Variants in ADCY5 observed in about 807,000 individuals in gnomAD.
ADCY5 encodes the protein adenylate cyclase 5.
In ADCY5, 30 loss-of-function variants were observed where a neutral mutation model predicts 119.7. The observed-to-expected ratio is 0.25, with a 90% CI of 0.19 to 0.34. The LOEUF (loss-of-function observed/expected upper bound fraction) is 0.34. Ranked by LOEUF, ADCY5 falls within the 10% of genes least tolerant of loss-of-function variation. ADCY5 has a pLI of 1.00. For synonymous variants in ADCY5, 753 were observed against 762.2 expected, an observed-to-expected ratio of 0.99 and a Z score of 0.20; for missense variants, 1,324 against 1,775.2, an observed-to-expected ratio of 0.75 and a Z score of 4.57.
intron 12 of ADCY5, among the ~76,000 whole-genome samples, chr3:123,307,539 T>C (rs952634238): frequency 2.0e-5 from 3 of 152,216 alleles, no homozygotes; most frequent in Admixed American, 1.3e-4. Flanking sequence ...GTTTCACAGC[T>C]GGGGAAGTGT....
chr3:123,448,381 C>A lies in ADCY5; in HGVS notation c.165G>T (p.Lys55Asn), dbSNP rs968289964. Residue 55 changes from lysine (K) to asparagine (N), a missense_variant, in exon 1 of 21, where the codon AAG becomes AAT. Transcript: ENST00000462833. Reference sequence around the variant, plus strand: ...GCGGGGTCACCGCCCCCCCGGGTTTCTTGGTGGAGCCGCGGGCAGAGCCCC... The same window carrying A: ...GCGGGGTCACCGCCCCCCCGGGTTTATTGGTGGAGCCGCGGGCAGAGCCCC... ...APGGSARGST[K>N]KPGGAVTPQQ... The A allele has an allele frequency of 2.7e-6, 4 of 1,471,848 alleles. No individual in the cohort carries two copies. The African/African-American group carries it at 5.9e-5, about 22-fold the overall frequency. 91.2% of individuals were successfully genotyped at this position (1,471,848 alleles called of 1,614,324 possible).
chr3:123,441,200 T>C (rs1424707468), intron 1 of ADCY5, among the ~76,000 whole-genome samples: 3 of 152,156 alleles, frequency 2.0e-5, no homozygotes, highest in African/African-American at 7.2e-5. Context: ...TCCAAGTTGT[T>C]TTAAATAGAG....
intron 9 of ADCY5, 146 bp from the exon 10 acceptor site, chr3:123,319,964 T>C: frequency 8.7e-7 from 1 of 1,153,746 alleles, no homozygotes; most frequent in Non-Finnish European, 1.2e-6. Context: ...GAGCTGAGAC[T>C]GAGACCAGAA....
intron 1 of ADCY5, chr3:123,404,423 C>G (rs1020333315): frequency 6.6e-6 from 1 of 152,468 alleles, no homozygotes; most frequent in Non-Finnish European, 1.5e-5. Flanking sequence ...CTCCTGGCAG[C>G]ATCTTCAGCC....
intron 1 of ADCY5, among the ~76,000 whole-genome samples, chr3:123,424,289 G>C (rs1284620253): frequency 1.3e-5 from 2 of 152,244 alleles, no homozygotes; most frequent in Non-Finnish European, 2.9e-5. Flanking sequence ...ACAGACCCAA[G>C]CCTGCTCCTT....
chr3:123,311,164 C>T (rs996143908), intron 12 of ADCY5, among the ~76,000 whole-genome samples: 1 of 152,232 alleles, frequency 6.6e-6, no homozygotes, highest in Non-Finnish European at 1.5e-5. Flanking sequence ...ACTGTCGCAT[C>T]TCATTGCAAA....
At position 123,289,676 on chromosome 3, in the gene ADCY5, G is replaced by A. The variant is rs905458049; in HGVS notation, c.3532+74C>T. ...GGACCACAATGGCGGATGCGGTATG[G>A]GGTATGGGGGAGCCCCTGCCAGCCC... is the stretch of plus-strand genomic sequence containing the variant. On this transcript the variant is annotated intron_variant, in intron 19 of 20. Coordinates refer to ENST00000462833, the MANE Select transcript of ADCY5 (RefSeq NM_183357.3). 4 of 1,537,924 alleles carry A rather than the reference G, an allele frequency of 2.6e-6. No individual in the cohort carries two copies. In the Admixed American group the frequency reaches 6.7e-5, roughly 26 times the overall value.
Position 123,360,384 on chromosome 3 carries a change from A to T in ADCY5, c.1135-7803T>A, listed in dbSNP as rs561863884. 2.4e-4 allele frequency among the ~76,000 whole-genome samples: 36 copies of T among 151,596 alleles called. No individual in the cohort carries two copies. In the South Asian group the frequency reaches 7.5e-3, roughly 32 times the overall value. Reference sequence around the variant, plus strand: ...GATTGTCACTCTCCCTTGCTCTGGAACTCCCCATCAAGAGCTTAGGATGCC... The same window carrying T: ...GATTGTCACTCTCCCTTGCTCTGGATCTCCCCATCAAGAGCTTAGGATGCC... On this transcript the variant is annotated intron_variant, in intron 1 of 20. Coordinates refer to ENST00000462833, the MANE Select transcript of ADCY5 (RefSeq NM_183357.3).
chr3:123,388,465 G>A (rs1292278656), intron 1 of ADCY5, among the ~76,000 whole-genome samples: 2 of 152,118 alleles, frequency 1.3e-5, no homozygotes, highest in African/African-American at 2.4e-5. Context: ...TGAGTGAGGG[G>A]TACACATGAT....
intron 1 of ADCY5, among the ~76,000 whole-genome samples, chr3:123,413,482 G>C (rs923319643): frequency 3.3e-5 from 5 of 152,208 alleles, no homozygotes; most frequent in African/African-American, 1.2e-4. Flanking sequence ...GGCTTGCAGA[G>C]GGCCTCCCCT....
intron 1 of ADCY5, among the ~76,000 whole-genome samples, chr3:123,411,521 C>A (rs1168158681): frequency 6.6e-6 from 1 of 152,182 alleles, no homozygotes; most frequent in African/African-American, 2.4e-5. Flanking sequence ...CCTGAGGGGA[C>A]AAAGGACAAA....
At chr3:123,372,193 G>T (rs562470549) in intron 1 of ADCY5, among the ~76,000 whole-genome samples, 8 of 152,188 alleles carry the variant, frequency 5.3e-5, no homozygotes, top group African/African-American at 1.9e-4. Context: ...CTGCTCGAGG[G>T]CCCTAAACAT....
At chr3:123,411,837 C>T (rs10934647) in intron 1 of ADCY5, among the ~76,000 whole-genome samples, 30,292 of 152,142 alleles carry the variant, frequency 0.2, 3,387 homozygotes, top group Admixed American at 0.27. Context: ...GGCTGTCCAC[C>T]GTTGACAGCA....
intron 9 of ADCY5, 109 bp downstream of exon 9, chr3:123,320,640 T>A: frequency 1.4e-6 from 2 of 1,450,964 alleles, no homozygotes; most frequent in South Asian, 2.3e-5. Context: ...CAGCTAAGAC[T>A]GCAAGAGGAG....
chr3:123,314,450 C>A (rs1940784467), intron 11 of ADCY5, 128 bp from the exon 12 acceptor site: 7 of 686,774 alleles, frequency 1.0e-5, no homozygotes, highest in African/African-American at 1.8e-5. Context: ...AGGGCCTGGG[C>A]TCTGAAATCC....
chr3:123,324,178 G>T (rs1345798111), intron 8 of ADCY5, among the ~76,000 whole-genome samples: 5 of 152,106 alleles, frequency 3.3e-5, no homozygotes, highest in Non-Finnish European at 1.5e-5. Context: ...TTTTCCTTAA[G>T]CTCGTATCAT....
chr3:123,448,316 T>A lies in ADCY5; in HGVS notation c.230A>T (p.Asp77Val), dbSNP rs1945867183. 2 of 1,538,336 alleles carry A rather than the reference T, an allele frequency of 1.3e-6. No individual in the cohort carries two copies. Among genetic ancestry groups the A allele is most frequent in the Non-Finnish European group, 1.7e-6 (2 of 1,153,086 alleles). ...ACCGCTCAGCGGAGGATCGTCGTCG[T>A]CGTCGCTGCGCCAGCGGCTGGCCAG... ...QRLASRWRSD[D>V]DDDPPLSGDD... Residue 77 changes from aspartate (D) to valine (V), a missense_variant, in exon 1 of 21, where the codon GAC becomes GTC. Around this residue, in one of 6 missense-constraint regions of ADCY5, gnomAD observed 585 missense variants for 569.9 expected, o/e 1.03. Transcript: ENST00000462833.
At chr3:123,298,002 AT>A (rs1245950197) in intron 15 of ADCY5, among the ~76,000 whole-genome samples, 3 of 146,972 alleles carry the variant, frequency 2.0e-5, no homozygotes, top group Non-Finnish European at 4.6e-5. Flanking sequence ...GTGGCTTTTT[AT>A]TTTTTTATTT....
chr3:123,289,622 C>T (rs1576523138), intron 19 of ADCY5, 128 bp downstream of exon 19: 1 of 1,105,344 alleles, frequency 9.0e-7, no homozygotes, highest in Non-Finnish European at 1.3e-6. Context: ...ACCACATCAG[C>T]CTCTGCTGCC....
Sources: gnomAD v4.1 joint callset for allele counts (sites outside exome capture counted in the v4.1 genomes callset) on GRCh38, gnomAD v4.1.1 for gene constraint, gnomAD v4.1.1 regional missense constraint, MANE v1.5 for transcripts, NCBI Gene and HGNC (gene_info 2026-07-23, HGNC 2026-07-21) for gene names.